Variants in NAV3 observed in about 807,000 individuals in gnomAD.
The protein encoded by NAV3 is pore membrane and/or filament interacting like protein 1.
Under a neutral mutation model 244.7 loss-of-function variants are expected in NAV3, and 87 were observed. The observed-to-expected ratio is 0.36, with a 90% CI of 0.30 to 0.42. The LOEUF (loss-of-function observed/expected upper bound fraction) is 0.42, where lower values mean the gene tolerates loss of function less well. Ranked by LOEUF, NAV3 falls within the 20% of genes least tolerant of loss-of-function variation. NAV3 has a pLI of 1.00. For missense variants in NAV3, 2,663 were observed against 2,893.3 expected (o/e 0.92, Z 1.83); for synonymous variants, 1,126 against 1,042.2 (o/e 1.08, Z -1.55).
intron 38 of NAV3, among the ~76,000 whole-genome samples, chr12:78,201,553 A>G (rs543961112): frequency 2.6e-5 from 4 of 152,006 alleles, no homozygotes; most frequent in Admixed American, 2.6e-4. Context: ...TTTCCTAACT[A>G]AAAGATGAAA....
chr12:77,633,497 GTTATTTA>G (rs1872010761), intron 2 of NAV3, among the ~76,000 whole-genome samples: 1 of 152,008 alleles, frequency 6.6e-6, no homozygotes, highest in African/African-American at 2.4e-5. Flanking sequence ...GATTCATAAA[GTTATTTA>G]TTAAAGAACT....
intron 1 of NAV3, among the ~76,000 whole-genome samples, chr12:77,902,481 T>C (rs1885422338): frequency 6.6e-6 from 1 of 152,220 alleles, no homozygotes; most frequent in Non-Finnish European, 1.5e-5. Flanking sequence ...GAGACAATCA[T>C]GCGGTTTTTG....
At chr12:77,663,585 G>A (rs1441556102) in intron 2 of NAV3, among the ~76,000 whole-genome samples, 2 of 150,364 alleles carry the variant, frequency 1.3e-5, no homozygotes, top group Non-Finnish European at 2.9e-5. Flanking sequence ...GCAATGGCGC[G>A]ATCTCGGCTC....
At chr12:78,144,189 G>A (rs567269669) in intron 20 of NAV3, among the ~76,000 whole-genome samples, 1 of 152,108 alleles carries the variant, frequency 6.6e-6, no homozygotes, top group Non-Finnish European at 1.5e-5. Flanking sequence ...ATGAGAGCAA[G>A]TGTCATTTTT....
intron 9 of NAV3, chr12:78,037,313 A>G (rs1206090591): frequency 8.5e-6 from 6 of 702,916 alleles, no homozygotes; most frequent in Non-Finnish European, 1.6e-5. Context: ...GGGAAGGGAC[A>G]GCTCATCTGG....
intron 9 of NAV3, among the ~76,000 whole-genome samples, chr12:78,041,041 A>G (rs148921036): frequency 6.5e-4 from 99 of 152,276 alleles, no homozygotes; most frequent in Admixed American, 1.3e-3. Context: ...AATACTCTAT[A>G]TTATATGTAT....
chr12:77,586,584 G>A (rs1490600738), intron 2 of NAV3, among the ~76,000 whole-genome samples: 2 of 152,110 alleles, frequency 1.3e-5, no homozygotes, highest in East Asian at 3.8e-4. Flanking sequence ...AGAAGTTTAG[G>A]ATTTTTGCCT....
chr12:77,908,175 A>T (rs1331302739), intron 1 of NAV3, among the ~76,000 whole-genome samples: 1 of 152,138 alleles, frequency 6.6e-6, no homozygotes, highest in East Asian at 1.9e-4. Flanking sequence ...TGTCAGCATG[A>T]TGTTCCAAAA....
chr12:77,976,666 C>CT (rs1295751885), intron 5 of NAV3, among the ~76,000 whole-genome samples: 17 of 58,046 alleles, frequency 2.9e-4, no homozygotes, highest in African/African-American at 7.8e-4. Flanking sequence ...TTCTTTCTTT[C>CT]TTTTTTTCTT....
intron 39 of NAV3, among the ~76,000 whole-genome samples, chr12:78,207,322 T>A (rs1960433410): frequency 6.6e-6 from 1 of 152,124 alleles, no homozygotes. Context: ...CACATTATTT[T>A]AAAAATACAA....
chr12:77,656,807 C>T (rs1387128359), intron 2 of NAV3, among the ~76,000 whole-genome samples: 1 of 151,824 alleles, frequency 6.6e-6, no homozygotes, highest in East Asian at 1.9e-4. Context: ...AAGAAACTCA[C>T]TCAAAACCGC....
chr12:77,650,655 A>C (rs1872782379), intron 2 of NAV3, among the ~76,000 whole-genome samples: 1 of 152,150 alleles, frequency 6.6e-6, no homozygotes, highest in South Asian at 2.1e-4. Context: ...TCAATTTAAA[A>C]ACTATGTATA....
In NAV3 at chr12:77,645,536, T is replaced by TAAAAAAAAAAAAAAAAAAAAAA. The variant is rs756805711; in HGVS notation, c.72+73273_72+73294dup. ...GAATTCATGGAGAGCTCTCTCTCTC[T>TAAAAAAAAAAAAAAAAAAAAAA]AAAAAAAAAAAAAAAAAAAAAAAAC... On this transcript the variant is annotated intron_variant, in intron 2 of 8. Transcript: ENST00000550042. Among the ~76,000 whole-genome samples the TAAAAAAAAAAAAAAAAAAAAAA allele has an allele frequency of 1.9e-4, 12 of 63,028 alleles. 2 individuals carry two copies. The highest frequency in any genetic ancestry group is 8.7e-4 in the African/African-American group (12 of 13,766). The allele number at this position is 63,028 out of a possible 152,430, so 41.3% of individuals were successfully genotyped here.
At chr12:78,102,093 G>A (rs1009259223) in intron 12 of NAV3, among the ~76,000 whole-genome samples, 3 of 152,010 alleles carry the variant, frequency 2.0e-5, no homozygotes, top group African/African-American at 4.8e-5. Flanking sequence ...TCACGAAATG[G>A]TCTCATGAAT....
At position 77,994,830 on chromosome 12, in the gene NAV3, T is replaced by C. The variant is rs1872084020; in HGVS notation, c.699T>C (p.Ser233=). ...TGGCAGCCAGATATGCAACTCAGTC[T>C]AATCACAGTGGAATTGCAACCAGTC... ...SSLAARYATQ[S]NHSGIATSQK... The change falls in exon 6 of 40, where the codon TCT becomes TCC. Residue 233 remains serine (S), a synonymous_variant. Coordinates refer to ENST00000397909, the MANE Select transcript of NAV3 (RefSeq NM_001024383.2). The C allele has an allele frequency of 6.2e-7, 1 of 1,611,112 alleles. No individual in the cohort carries two copies. Among genetic ancestry groups the C allele is most frequent in the Non-Finnish European group, 8.5e-7 (1 of 1,178,524 alleles).
intron 1 of NAV3, among the ~76,000 whole-genome samples, chr12:77,870,994 T>C (rs1255069435): frequency 2.0e-5 from 3 of 152,154 alleles, no homozygotes; most frequent in African/African-American, 7.2e-5. Flanking sequence ...ATGTACACAC[T>C]CACACGCAAG....
chr12:77,931,238 GTCAATCATATTTTTAATT>G (rs1488787338), intron 1 of NAV3, among the ~76,000 whole-genome samples: 1 of 151,818 alleles, frequency 6.6e-6, no homozygotes, highest in East Asian at 1.9e-4. Context: ...GCTTTAAAAA[GTCAATCATATTTTTAATT>G]TACAAAACTT....
intron 22 of NAV3, among the ~76,000 whole-genome samples, chr12:78,158,723 G>A (rs1404971544): frequency 2.0e-5 from 3 of 152,136 alleles, no homozygotes; most frequent in Non-Finnish European, 4.4e-5. Context: ...GTCAGCAGAT[G>A]TCTGACACTT....
chr12:77,880,389 T>C (rs1010332158), intron 1 of NAV3, among the ~76,000 whole-genome samples: 5 of 152,128 alleles, frequency 3.3e-5, no homozygotes, highest in African/African-American at 9.7e-5. Flanking sequence ...GAGGCTCTAT[T>C]TGGGGTAGAA....
Sources: allele counts gnomAD v4.1 joint callset (sites outside exome capture counted in the v4.1 genomes callset), GRCh38; gene constraint gnomAD v4.1.1; transcripts MANE v1.5; gene names NCBI Gene and HGNC (gene_info 2026-07-23, HGNC 2026-07-21).